Variants in SNTB1 observed in about 807,000 individuals in gnomAD.
The protein encoded by SNTB1 is syntrophin beta 1.
SNTB1 carries 36 observed loss-of-function variants against 48.9 expected under a neutral mutation model. That is an observed-to-expected ratio of 0.74 (90% CI 0.56 to 0.97). The LOEUF (loss-of-function observed/expected upper bound fraction) is 0.97, where lower values mean the gene tolerates loss of function less well. SNTB1 is among the 50% of genes least tolerant of loss of function. The pLI, the probability that SNTB1 is intolerant of heterozygous loss-of-function variation, is 0.00. For synonymous variants in SNTB1, 299 were observed against 294.6 expected (o/e 1.01, Z -0.15); for missense variants, 786 against 703.4 (o/e 1.12, Z -1.33).
intron 2 of SNTB1, among the ~76,000 whole-genome samples, chr8:120,642,592 T>A (rs1464984806): frequency 6.6e-6 from 1 of 152,134 alleles, no homozygotes; most frequent in Non-Finnish European, 1.5e-5. Context: ...GACTACTGAC[T>A]AACAAATTCC....
At chr8:120,727,985 G>A (rs989573567) in intron 1 of SNTB1, among the ~76,000 whole-genome samples, 1 of 152,024 alleles carries the variant, frequency 6.6e-6, no homozygotes, top group African/African-American at 2.4e-5. Context: ...CCTCTTGCAC[G>A]TTGCCTTTGT....
intron 3 of SNTB1, among the ~76,000 whole-genome samples, chr8:120,599,766 C>A (rs1816392568): frequency 6.6e-6 from 1 of 152,116 alleles, no homozygotes; most frequent in Non-Finnish European, 1.5e-5. Flanking sequence ...ATGATAGATG[C>A]TTCTCTTTAA....
At position 120,630,620 on chromosome 8, in the gene SNTB1, C is replaced by A. The variant is rs146758170; in HGVS notation, c.996+1824G>T. On this transcript the variant is annotated intron_variant, in intron 3 of 6. Transcript: ENST00000517992. ...AACCAAGTGAGAGCATTTTTCATCC[C>A]AATCAGCTCCTTCTCTTCTACAGTA... Among the ~76,000 whole-genome samples, 219 of 152,282 alleles carry A rather than the reference C, an allele frequency of 1.4e-3. 5 individuals carry two copies. In the East Asian group the frequency reaches 0.036, roughly 25 times the overall value.
At position 120,663,288 on chromosome 8, in the gene SNTB1, T is replaced by G. The variant is rs141090230; in HGVS notation, c.788+30404A>C. Among the ~76,000 whole-genome samples the G allele has an allele frequency of 2.7e-3, 416 of 152,234 alleles. 2 individuals carry two copies. Among genetic ancestry groups the G allele is most frequent in the African/African-American group, 9.5e-3 (396 of 41,534 alleles). On this transcript the variant is annotated intron_variant, in intron 2 of 6. Transcript: ENST00000517992. ...CTTACTTTTGAATGAAGAGGAAAAGTTAACTAAGCCAAAAAGGAAGAGTAG... is the reference window on the plus strand; with the variant it reads ...CTTACTTTTGAATGAAGAGGAAAAGGTAACTAAGCCAAAAAGGAAGAGTAG...
At chr8:120,808,819 G>A (rs1820381076) in intron 1 of SNTB1, among the ~76,000 whole-genome samples, 1 of 152,108 alleles carries the variant, frequency 6.6e-6, no homozygotes, top group African/African-American at 2.4e-5. Flanking sequence ...ATGCGGTGGG[G>A]TGCATACAGG....
At chr8:120,650,234 A>G (rs1039847583) in intron 2 of SNTB1, among the ~76,000 whole-genome samples, 1 of 152,292 alleles carries the variant, frequency 6.6e-6, no homozygotes, top group African/African-American at 2.4e-5. Context: ...GCTCTGGCTT[A>G]TAAGATGAGA....
chr8:120,704,472 A>C (rs1818350679), intron 1 of SNTB1, among the ~76,000 whole-genome samples: 3 of 152,146 alleles, frequency 2.0e-5, no homozygotes, highest in African/African-American at 7.2e-5. Context: ...AAAAGAGAAA[A>C]AACAAAAAAC....
intron 2 of SNTB1, chr8:120,654,937 T>C (rs568527324): frequency 2.6e-5 from 12 of 455,816 alleles, no homozygotes; most frequent in Non-Finnish European, 5.3e-5. Flanking sequence ...GAGGATGAAG[T>C]CTTGCTGGCT....
Position 120,556,339 on chromosome 8 carries a change from G to C in SNTB1, c.1137-7381C>G, listed in dbSNP as rs1815567255. Among the ~76,000 whole-genome samples the C allele has an allele frequency of 2.0e-5, 3 of 152,150 alleles. No homozygotes were observed. In the South Asian group the frequency reaches 6.2e-4, roughly 32 times the overall value. On this transcript the variant is annotated intron_variant, in intron 4 of 6. Coordinates refer to ENST00000517992, the MANE Select transcript of SNTB1 (RefSeq NM_021021.4). Reference sequence around the variant, plus strand: ...ACTGGAGCAACCCGATCATTATAAAGATCTTCCTCCAGAGAGGGAATCTGA... The same window carrying C: ...ACTGGAGCAACCCGATCATTATAAACATCTTCCTCCAGAGAGGGAATCTGA...
intron 2 of SNTB1, among the ~76,000 whole-genome samples, chr8:120,650,267 A>G (rs536187493): frequency 7.9e-5 from 12 of 152,218 alleles, no homozygotes; most frequent in Non-Finnish European, 1.6e-4. Flanking sequence ...TTAAGATAGG[A>G]GTCAATGACA....
chr8:120,714,881 T>C (rs1390345339), intron 1 of SNTB1, among the ~76,000 whole-genome samples: 2 of 152,164 alleles, frequency 1.3e-5, no homozygotes, highest in Non-Finnish European at 2.9e-5. Context: ...GTTCTTACAT[T>C]CAACACAGGC....
intron 4 of SNTB1, among the ~76,000 whole-genome samples, chr8:120,567,357 C>T (rs1248373573): frequency 4.0e-5 from 6 of 151,346 alleles, no homozygotes; most frequent in African/African-American, 4.9e-5. Flanking sequence ...ACCTAAAGCA[C>T]GTAGCCTTGA....
At chr8:120,584,385 G>A (rs1038486107) in intron 3 of SNTB1, among the ~76,000 whole-genome samples, 4 of 135,958 alleles carry the variant, frequency 2.9e-5, no homozygotes, top group African/African-American at 1.1e-4. Context: ...GTTGCAGTGA[G>A]CTGAGATCGC....
chr8:120,542,593 G>T (rs1036135988), intron 5 of SNTB1, among the ~76,000 whole-genome samples: 8 of 152,244 alleles, frequency 5.3e-5, no homozygotes, highest in Non-Finnish European at 1.0e-4. Flanking sequence ...GGCAGAGGTT[G>T]CAGTGAGTCG....
chr8:120,700,139 G>A (rs1174730663), intron 1 of SNTB1, among the ~76,000 whole-genome samples: 5 of 148,652 alleles, frequency 3.4e-5, no homozygotes, highest in East Asian at 2.0e-4. Context: ...ACTGATTCTC[G>A]CTCTGAAAAA....
Position 120,632,468 on chromosome 8 carries a change from C to A in SNTB1, c.972G>T (p.Arg324Ser). The A allele has an allele frequency of 6.2e-7, 1 of 1,614,102 alleles. No homozygotes were observed. Among genetic ancestry groups the A allele is most frequent in the Non-Finnish European group, 8.5e-7 (1 of 1,180,020 alleles). ...KTGIAGSREI[R>S]HLGWLAEKVP... ...CCTTTTCTGCAAGCCAGCCAAGATG[C>A]CTAATCTCTCGGCTCCCAGCAATGC... Residue 324 changes from arginine to serine, a missense_variant, in exon 3 of 7, where the codon AGG becomes AGT. Transcript: ENST00000517992.
chr8:120,616,210 AG>A (rs1379506761), intron 3 of SNTB1, among the ~76,000 whole-genome samples: 1 of 152,118 alleles, frequency 6.6e-6, no homozygotes, highest in Non-Finnish European at 1.5e-5. Flanking sequence ...CTTTTCTTTA[AG>A]GGTGGACCAA....
At chr8:120,728,555 T>C (rs1563582246) in intron 1 of SNTB1, among the ~76,000 whole-genome samples, 2 of 152,178 alleles carry the variant, frequency 1.3e-5, no homozygotes, top group Admixed American at 1.3e-4. Flanking sequence ...AATCACCCAA[T>C]GTTTAGCTCC....
At chr8:120,550,449 G>A (rs545022267) in intron 4 of SNTB1, among the ~76,000 whole-genome samples, 1 of 151,808 alleles carries the variant, frequency 6.6e-6, no homozygotes, top group South Asian at 2.1e-4. Context: ...GGCTGAAGCA[G>A]GAGAATGGCC....
Sources: gnomAD v4.1 joint callset for allele counts (sites outside exome capture counted in the v4.1 genomes callset) on GRCh38, gnomAD v4.1.1 for gene constraint, MANE v1.5 for transcripts, NCBI Gene and HGNC (gene_info 2026-07-23, HGNC 2026-07-21) for gene names.